Variants in GBE1 observed in about 807,000 individuals in gnomAD.
GBE1 encodes the protein 1,4-alpha-glucan branching enzyme 1, also known as 1,4-alpha-glucan-branching enzyme.
A neutral mutation model predicts 88.8 loss-of-function variants in GBE1; 70 were observed. That is an observed-to-expected ratio of 0.79 (90% CI 0.65 to 0.96). The LOEUF (loss-of-function observed/expected upper bound fraction) is 0.96. GBE1 is among the 40% of genes least tolerant of loss of function. The pLI is 0.00. For synonymous variants in GBE1, 284 were observed against 300.1 expected, an observed-to-expected ratio of 0.95 and a Z score of 0.56; for missense variants, 872 against 871.0, an observed-to-expected ratio of 1.00 and a Z score of -0.01.
chr3:81,737,309 ATTTATATATATTTATATATATT>A (rs1018118052), intron 1 of GBE1, among the ~76,000 whole-genome samples: 3 of 127,458 alleles, frequency 2.4e-5, no homozygotes, highest in Admixed American at 8.3e-5. Context: ...ATAAATATAT[ATTTATATATATTTATATATATT>A]TTTATATATA....
intron 8 of GBE1, among the ~76,000 whole-genome samples, chr3:81,591,396 A>G (rs963828706): frequency 1.3e-5 from 2 of 152,192 alleles, no homozygotes; most frequent in African/African-American, 4.8e-5. Flanking sequence ...GAGAAAAACA[A>G]AGCACTTTAA....
chr3:81,615,022 CA>C lies in GBE1; in HGVS notation c.993-21000del, dbSNP rs1023206443. Among the ~76,000 whole-genome samples the C allele has an allele frequency of 8.1e-3, 929 of 114,746 alleles. 7 individuals are homozygous for C. The highest frequency in any genetic ancestry group is 0.032 in the Middle Eastern group (7 of 220). 75.3% of individuals were successfully genotyped at this position (114,746 alleles called of 152,430 possible). On this transcript the variant is annotated intron_variant, in intron 7 of 15. Coordinates refer to ENST00000429644, the MANE Select transcript of GBE1 (RefSeq NM_000158.4). ...AGGTTACAGAATGAGACTTTTTTCT[CA>C]AAAAAAAAAAAAAGTTTTGTATTGT... is the stretch of plus-strand genomic sequence containing the variant.
chr3:81,713,454 A>G (rs1389483566), intron 1 of GBE1, among the ~76,000 whole-genome samples: 1 of 152,230 alleles, frequency 6.6e-6, no homozygotes, highest in Admixed American at 6.5e-5. Flanking sequence ...AATAAAACAT[A>G]AAATCCTTAA....
chr3:81,627,306 T>C (rs761049188), intron 7 of GBE1, among the ~76,000 whole-genome samples: 2 of 152,224 alleles, frequency 1.3e-5, no homozygotes, highest in Non-Finnish European at 2.9e-5. Context: ...AACAAATCTG[T>C]GTTTAAATGT....
At chr3:81,536,806 A>G (rs961847759) in intron 13 of GBE1, 105 bp downstream of exon 13, 19 of 843,552 alleles carry the variant, frequency 2.3e-5, no homozygotes, top group Non-Finnish European at 3.7e-6. Flanking sequence ...ACACTGAATA[A>G]TAAATTGCTG....
intron 3 of GBE1, among the ~76,000 whole-genome samples, chr3:81,651,756 C>T (rs1459680450): frequency 6.6e-6 from 1 of 152,144 alleles, no homozygotes; most frequent in African/African-American, 2.4e-5. Flanking sequence ...TTGTAAACGG[C>T]TCTATAATAC....
chr3:81,686,099 T>G (rs1340006285), intron 2 of GBE1, among the ~76,000 whole-genome samples: 1 of 152,094 alleles, frequency 6.6e-6, no homozygotes, highest in East Asian at 1.9e-4. Flanking sequence ...ACCACAACAA[T>G]GAAGATGGGG....
Position 81,550,257 on chromosome 3 carries a change from T to A in GBE1, c.1619-13162A>T, listed in dbSNP as rs1320518459. Among the ~76,000 whole-genome samples, 5 of 151,554 alleles carry A rather than the reference T, an allele frequency of 3.3e-5. No individual in the cohort carries two copies. The East Asian group carries it at 9.6e-4, about 29-fold the overall frequency. On this transcript the variant is annotated intron_variant, in intron 12 of 15. Transcript: ENST00000429644. Reference sequence around the variant, plus strand: ...TTCTCTGAAACTGGACAGTTATTAATCTTCCAGATATCACCTTTTTTTCAG... The same window carrying A: ...TTCTCTGAAACTGGACAGTTATTAAACTTCCAGATATCACCTTTTTTTCAG...
chr3:81,551,812 C>T (rs760762984), intron 12 of GBE1, among the ~76,000 whole-genome samples: 1 of 152,206 alleles, frequency 6.6e-6, no homozygotes, highest in African/African-American at 2.4e-5. Context: ...GAACTGAGAC[C>T]TGTCTTAGAT....
chr3:81,605,499 T>A (rs1704091442), intron 7 of GBE1, among the ~76,000 whole-genome samples: 1 of 152,158 alleles, frequency 6.6e-6, no homozygotes, highest in Non-Finnish European at 1.5e-5. Flanking sequence ...TAACAGTGCA[T>A]ATTTATGACA....
At chr3:81,695,374 A>G in intron 2 of GBE1, among the ~76,000 whole-genome samples, 1 of 152,252 alleles carries the variant, frequency 6.6e-6, no homozygotes, top group African/African-American at 2.4e-5. Flanking sequence ...ATTATGCTAA[A>G]TGAAAGAAGC....
At chr3:81,706,378 G>A (rs996267034) in intron 1 of GBE1, among the ~76,000 whole-genome samples, 4 of 152,256 alleles carry the variant, frequency 2.6e-5, no homozygotes, top group Middle Eastern at 3.4e-3. Context: ...AGTTCCCCTG[G>A]ATCAGGTACT....
intron 9 of GBE1, among the ~76,000 whole-genome samples, chr3:81,588,014 T>C (rs1457860723): frequency 3.3e-5 from 5 of 152,142 alleles, no homozygotes; most frequent in Non-Finnish European, 7.4e-5. Flanking sequence ...CATCTGTCAA[T>C]GCCCAAAGTC....
At chr3:81,583,067 T>C (rs1162355803) in intron 10 of GBE1, among the ~76,000 whole-genome samples, 1 of 152,062 alleles carries the variant, frequency 6.6e-6, no homozygotes, top group Non-Finnish European at 1.5e-5. Flanking sequence ...GGTTAAAAGA[T>C]ATGAACAGAT....
chr3:81,596,759 C>T (rs905715666), intron 7 of GBE1, among the ~76,000 whole-genome samples: 3 of 151,840 alleles, frequency 2.0e-5, no homozygotes, highest in African/African-American at 7.2e-5. Context: ...TATGTAAGGA[C>T]ATCCAGCAGA....
intron 2 of GBE1, among the ~76,000 whole-genome samples, chr3:81,697,301 CT>C (rs774202162): frequency 0.018 from 2,512 of 141,254 alleles, 63 homozygotes; most frequent in African/African-American, 0.054. Flanking sequence ...CAGACAACAT[CT>C]TTTTTTTTTT....
intron 7 of GBE1, among the ~76,000 whole-genome samples, 157 bp from the exon 8 acceptor site, chr3:81,594,180 A>G (rs1703920869): frequency 6.6e-6 from 1 of 152,150 alleles, no homozygotes; most frequent in African/African-American, 2.4e-5. Flanking sequence ...AACTAACAAG[A>G]ATCTCAGTTG....
intron 3 of GBE1, among the ~76,000 whole-genome samples, chr3:81,669,403 T>TA (rs1191552579): frequency 6.6e-6 from 1 of 152,164 alleles, no homozygotes; most frequent in Admixed American, 6.5e-5. Flanking sequence ...AAACAAAGGT[T>TA]AAAAAAACAG....
intron 8 of GBE1, among the ~76,000 whole-genome samples, chr3:81,592,732 T>C (rs1280443951): frequency 6.6e-6 from 1 of 152,204 alleles, no homozygotes; most frequent in Non-Finnish European, 1.5e-5. Context: ...TCTTGGAAGA[T>C]ACTCCTCTCT....
Sources: gnomAD v4.1 joint callset for allele counts (sites outside exome capture counted in the v4.1 genomes callset) on GRCh38, gnomAD v4.1.1 for gene constraint, MANE v1.5 for transcripts, NCBI Gene and HGNC (gene_info 2026-07-23, HGNC 2026-07-21) for gene names.